The following SNX13 variants were observed in gnomAD, a reference collection of about 807,000 sequenced individuals.
SNX13 encodes sorting nexin-13.
In SNX13, 45 loss-of-function variants were observed where a neutral mutation model predicts 133.6. The observed-to-expected ratio is 0.34, with a 90% confidence interval of 0.27 to 0.43. SNX13 has a LOEUF of 0.43. SNX13 is among the 20% of genes least tolerant of loss of function. The pLI is 1.00. For missense variants in SNX13, 1,032 were observed against 1,145.1 expected, an observed-to-expected ratio of 0.90 and a Z score of 1.43; for synonymous variants, 414 against 373.9, an observed-to-expected ratio of 1.11 and a Z score of -1.24.
intron 5 of SNX13, chr7:17,888,089 G>A (rs1289169858): frequency 1.3e-5 from 2 of 152,114 alleles, no homozygotes; most frequent in Non-Finnish European, 2.9e-5. Context: ...ATATATTTGT[G>A]TAGTAATAGA....
In SNX13 at chr7:17,825,641, G is replaced by A. The variant is rs567278451; in HGVS notation, c.1705+381C>T. 2.0e-5 allele frequency among the ~76,000 whole-genome samples: 3 copies of A among 152,204 alleles called. No individual in the cohort carries two copies. The East Asian group carries it at 5.8e-4, about 29-fold the overall frequency. ...TATACCTGGGGCTTCATTTACCCCA[G>A]TTATCTAGCCTGACTTTGTATATAT... is the stretch of plus-strand genomic sequence containing the variant. On this transcript the variant is annotated intron_variant, in intron 17 of 25. Coordinates refer to ENST00000428135, the MANE Select transcript of SNX13 (RefSeq NM_015132.5).
intron 18 of SNX13, among the ~76,000 whole-genome samples, chr7:17,818,906 G>GT (rs1786970897): frequency 6.6e-6 from 1 of 152,100 alleles, no homozygotes; most frequent in Non-Finnish European, 1.5e-5. Flanking sequence ...TACTTAATAT[G>GT]ATCATTTAAA....
rs1466363953 is a variant in SNX13, at chr7:17,821,596, G to C, written c.1758C>G (p.His586Gln). 3 of 1,613,570 alleles carry C rather than the reference G, an allele frequency of 1.9e-6. No homozygotes were observed. The highest frequency in any genetic ancestry group is 2.5e-6 in the Non-Finnish European group (3 of 1,179,652). The part of the protein sequence containing the change: ...KTYALYAITV[H>Q]RRNLNSEEMW... The stretch of plus-strand genomic sequence containing the variant: ...TCTCCTCACTGTTTAGGTTGCGCCG[G>C]TGTACAGTGATGGCATATAATGCAT... Residue 586 changes from histidine (H) to glutamine (Q), a missense_variant, in exon 18 of 26, where the codon CAC (histidine) becomes CAG (glutamine). Transcript: ENST00000428135.
intron 1 of SNX13, among the ~76,000 whole-genome samples, chr7:17,903,427 C>T (rs1798051212): frequency 2.6e-5 from 4 of 152,078 alleles, no homozygotes; most frequent in African/African-American, 7.3e-5. Flanking sequence ...ACTTATGAAG[C>T]AGTAGAAGGC....
intron 11 of SNX13, among the ~76,000 whole-genome samples, chr7:17,846,250 A>G (rs1448434581): frequency 1.3e-5 from 2 of 152,150 alleles, no homozygotes; most frequent in African/African-American, 4.8e-5. Flanking sequence ...CATATGAAAA[A>G]AAAAAAGGGA....
intron 20 of SNX13, among the ~76,000 whole-genome samples, chr7:17,813,776 C>T (rs1212421296): frequency 6.6e-6 from 1 of 151,774 alleles, no homozygotes; most frequent in Non-Finnish European, 1.5e-5. Context: ...TTTGTAGAGA[C>T]AGGGTCTCGC....
At chr7:17,907,996 T>C (rs1011371570) in intron 1 of SNX13, among the ~76,000 whole-genome samples, 1 of 152,276 alleles carries the variant, frequency 6.6e-6, no homozygotes, top group Admixed American at 6.5e-5. Flanking sequence ...AAACTTATAT[T>C]CAACTACACA....
chr7:17,900,327 T>A (rs2128002358), intron 1 of SNX13: 1 of 152,500 alleles, frequency 6.6e-6, no homozygotes, highest in South Asian at 2.1e-4. Context: ...ACTGCCTATG[T>A]TCACTTGAAG....
rs1419668778 is a variant in SNX13, at chr7:17,839,807, C to T, written c.1359G>A (p.Lys453=). The change falls in exon 13 of 26, where the codon AAG becomes AAA. Residue 453 remains lysine, a splice_region_variant and synonymous_variant. Coordinates refer to ENST00000428135, the MANE Select transcript of SNX13 (RefSeq NM_015132.5). ...VGIYEQYLSE[K]ASPRVTVDDY... ...AACAGTAATCAAAATACAGCCTCAC[C>T]TTTTCTGATAAATACTGTTCATAAA... The T allele has an allele frequency of 6.3e-7, 1 of 1,596,152 alleles. No homozygotes were observed. The highest frequency in any genetic ancestry group is 8.5e-7 in the Non-Finnish European group (1 of 1,171,964).
intron 5 of SNX13, among the ~76,000 whole-genome samples, chr7:17,883,458 G>C (rs568342441): frequency 6.6e-6 from 1 of 152,252 alleles, no homozygotes; most frequent in South Asian, 2.1e-4. Context: ...TAAGATATAA[G>C]TCCTTCAGAA....
intron 5 of SNX13, among the ~76,000 whole-genome samples, chr7:17,887,042 CAAT>C (rs955397948): frequency 3.3e-5 from 5 of 150,228 alleles, no homozygotes; most frequent in African/African-American, 1.2e-4. Context: ...ATAATAGCAA[CAAT>C]AATAACAGAG....
chr7:17,938,589 T>C (rs6955984), intron 1 of SNX13, among the ~76,000 whole-genome samples: 62,112 of 152,144 alleles, frequency 0.41, 14,430 homozygotes, highest in Non-Finnish European at 0.51. Flanking sequence ...CAAAAAGTAC[T>C]AAAGTACAGT....
intron 1 of SNX13, among the ~76,000 whole-genome samples, chr7:17,935,886 GC>G (rs1195154662): frequency 2.0e-5 from 3 of 152,126 alleles, no homozygotes; most frequent in Non-Finnish European, 4.4e-5. Context: ...AGATTAATGT[GC>G]CCCAAGAGTA....
chr7:17,873,278 T>G (rs948912228), intron 8 of SNX13, among the ~76,000 whole-genome samples: 2 of 152,210 alleles, frequency 1.3e-5, no homozygotes, highest in African/African-American at 4.8e-5. Context: ...ACAGTGACCT[T>G]TACAAAGTTA....
intron 17 of SNX13, among the ~76,000 whole-genome samples, chr7:17,822,983 G>A (rs949099091): frequency 6.6e-6 from 1 of 152,102 alleles, no homozygotes; most frequent in Non-Finnish European, 1.5e-5. Context: ...ATGGTAGGCT[G>A]TTTTCCTAGT....
intron 23 of SNX13, 61 bp from the exon 24 acceptor site, chr7:17,798,819 G>A (rs565363938): frequency 4.3e-5 from 57 of 1,333,986 alleles, no homozygotes; most frequent in Non-Finnish European, 5.5e-5. Flanking sequence ...AAAAATAAAC[G>A]TGACTTTCAT....
rs777191112 is a variant in SNX13, at chr7:17,890,430, C to T, written c.373G>A (p.Asp125Asn). The T allele has an allele frequency of 5.6e-6, 9 of 1,609,854 alleles. No individual in the cohort carries two copies. Among genetic ancestry groups the T allele is most frequent in the Admixed American group, 1.7e-5 (1 of 59,852 alleles). Residue 125 changes from aspartate to asparagine, a missense_variant, in exon 5 of 26, where the codon GAT (aspartate) becomes AAT (asparagine). By Grantham distance (23) the Asp-to-Asn change is conservative. Transcript: ENST00000428135. ...YVQYWYYTLS[D>N]DESFLLEIRQ... ...ATTTCAAGAAGAAAAGATTCATCAT[C>T]GCTTAGTGTATAATACCAATACTGG...
chr7:17,799,484 TGCTAGAC>T (rs1784398556), intron 22 of SNX13, among the ~76,000 whole-genome samples: 1 of 151,802 alleles, frequency 6.6e-6, no homozygotes, highest in Non-Finnish European at 1.5e-5. Context: ...ATAAGGCAAA[TGCTAGAC>T]CCTTTGTCTA....
At chr7:17,860,485 C>T (rs943133879) in intron 9 of SNX13, among the ~76,000 whole-genome samples, 6 of 152,196 alleles carry the variant, frequency 3.9e-5, no homozygotes, top group African/African-American at 1.2e-4. Context: ...TAGTCTGATA[C>T]ACTCCCACTC....
Sources: gnomAD v4.1 joint callset for allele counts (sites outside exome capture counted in the v4.1 genomes callset) on GRCh38, gnomAD v4.1.1 for gene constraint, MANE v1.5 for transcripts, NCBI Gene and HGNC (gene_info 2026-07-23, HGNC 2026-07-21) for gene names.